The following ATP8B1 variants were observed in gnomAD, a reference collection of about 807,000 sequenced individuals.
ATP8B1 encodes the protein ATPase phospholipid transporting 8B1.
A neutral mutation model predicts 149.9 loss-of-function variants in ATP8B1; 80 were observed. The observed-to-expected ratio is 0.53, with a 90% CI of 0.45 to 0.64. The LOEUF (loss-of-function observed/expected upper bound fraction) is 0.64. ATP8B1 is among the 30% of genes least tolerant of loss of function. The probability of loss-of-function intolerance (pLI) is 0.00; values close to 1 mark genes in which losing one functional copy is unlikely to be tolerated. For missense variants in ATP8B1, 1,247 were observed against 1,552.6 expected (o/e 0.80, Z 3.31); for synonymous variants, 536 against 562.8 (o/e 0.95, Z 0.67).
rs1355450382 is a variant in ATP8B1 at position 57,723,122 on chromosome 18, A to G, written c.181+8505T>C. Among the ~76,000 whole-genome samples the G allele has an allele frequency of 3.3e-5, 5 of 151,298 alleles. No individual in the cohort carries two copies. The South Asian group carries it at 8.4e-4, about 25-fold the overall frequency. ...TTCAAAATAATAAGAGCTATCTATG[A>G]CAAACCCACAGCCAATATCATACTG... On this transcript the variant is annotated intron_variant, in intron 2 of 27. Transcript: ENST00000648908.
At chr18:57,787,927 G>A (rs937700107) in intron 1 of ATP8B1, among the ~76,000 whole-genome samples, 2 of 152,146 alleles carry the variant, frequency 1.3e-5, no homozygotes, top group African/African-American at 4.8e-5. Flanking sequence ...CAGCCACTTG[G>A]GAGGCTGAGG....
chr18:57,716,417 TA>T (rs879472357), intron 2 of ATP8B1, among the ~76,000 whole-genome samples: 174 of 141,064 alleles, frequency 1.2e-3, no homozygotes, highest in Middle Eastern at 3.6e-3. Flanking sequence ...TGAATAGATT[TA>T]AAAAAAAAAA....
At chr18:57,687,540 G>A (rs1389417578) in intron 13 of ATP8B1, among the ~76,000 whole-genome samples, 7 of 150,420 alleles carry the variant, frequency 4.7e-5, no homozygotes, top group Non-Finnish European at 8.8e-5. Context: ...GTTGTAGCAT[G>A]TGTCAAATTT....
chr18:57,801,694 G>A (rs992666733), intron 1 of ATP8B1, among the ~76,000 whole-genome samples: 1 of 152,110 alleles, frequency 6.6e-6, no homozygotes, highest in African/African-American at 2.4e-5. Context: ...ACCGTGTGCC[G>A]GGTGATCTCC....
In ATP8B1 at chr18:57,652,067, G is replaced by A; in HGVS notation, c.3367C>T (p.His1123Tyr). 6.2e-7 allele frequency: 1 copy of A among 1,613,948 alleles called. No homozygotes were observed. Among genetic ancestry groups the A allele is most frequent in the Non-Finnish European group, 8.5e-7 (1 of 1,179,918 alleles). ...TGAAATGCAGATGGAAAGAGAACAT[G>A]TATTCCAGCACTATGAAAGTCAAAC... ...IMFDFHSAGI[H>Y]VLFPSAFQFT... is the part of the protein sequence containing the mutation. Residue 1123 changes from histidine (H) to tyrosine (Y), a missense_variant, in exon 26 of 28, where the codon CAT becomes TAT. Coordinates refer to ENST00000648908, the MANE Select transcript of ATP8B1 (RefSeq NM_001374385.1).
chr18:57,716,362 C>T (rs2079582937), intron 2 of ATP8B1, among the ~76,000 whole-genome samples: 1 of 151,230 alleles, frequency 6.6e-6, no homozygotes, highest in Non-Finnish European at 1.5e-5. Context: ...AATATAACAT[C>T]GAATGTAAAT....
intron 15 of ATP8B1, among the ~76,000 whole-genome samples, chr18:57,676,066 A>C (rs1243805364): frequency 6.6e-6 from 1 of 152,242 alleles, no homozygotes; most frequent in African/African-American, 2.4e-5. Flanking sequence ...GAGAACACTG[A>C]TAATTTTAAA....
At chr18:57,794,464 A>T (rs1431136431) in intron 1 of ATP8B1, among the ~76,000 whole-genome samples, 1 of 41,816 alleles carries the variant, frequency 2.4e-5, no homozygotes, top group Admixed American at 2.2e-4. Flanking sequence ...ACCTGACATT[A>T]AAAAAAAAAA....
intron 22 of ATP8B1, among the ~76,000 whole-genome samples, chr18:57,656,224 T>C (rs890963388): frequency 1.3e-5 from 2 of 152,114 alleles, no homozygotes; most frequent in African/African-American, 4.8e-5. Flanking sequence ...CTTGCTTAAA[T>C]ACCAACTGGG....
At chr18:57,779,116 A>C (rs1281522279) in intron 1 of ATP8B1, among the ~76,000 whole-genome samples, 1 of 152,040 alleles carries the variant, frequency 6.6e-6, no homozygotes, top group African/African-American at 2.4e-5. Context: ...TGAGCCCAGG[A>C]GTTCGAGACC....
chr18:57,778,765 A>G (rs2080333301), intron 1 of ATP8B1, among the ~76,000 whole-genome samples: 1 of 152,102 alleles, frequency 6.6e-6, no homozygotes, highest in Non-Finnish European at 1.5e-5. Context: ...GGCTTCTCTT[A>G]CAGTAAGTGA....
chr18:57,774,702 C>G (rs1411313652), intron 1 of ATP8B1, among the ~76,000 whole-genome samples: 2 of 152,172 alleles, frequency 1.3e-5, no homozygotes, highest in African/African-American at 4.8e-5. Flanking sequence ...CCCCAGCACC[C>G]AGAATACAGT....
chr18:57,689,459 C>G (rs1428834694), intron 12 of ATP8B1, among the ~76,000 whole-genome samples: 1 of 152,168 alleles, frequency 6.6e-6, no homozygotes, highest in Non-Finnish European at 1.5e-5. Flanking sequence ...TATAAGGAAG[C>G]TGTTTACATA....
chr18:57,747,132 G>A (rs576505102), intron 1 of ATP8B1, among the ~76,000 whole-genome samples: 73 of 152,100 alleles, frequency 4.8e-4, no homozygotes, highest in Non-Finnish European at 9.4e-4. Context: ...CCTTGGAGAG[G>A]GGCCAGAGAC....
intron 22 of ATP8B1, among the ~76,000 whole-genome samples, chr18:57,656,915 C>A (rs1910042844): frequency 6.6e-6 from 1 of 151,912 alleles, no homozygotes; most frequent in Non-Finnish European, 1.5e-5. Flanking sequence ...AAATCTATGT[C>A]CTTGTTCCAG....
At chr18:57,714,880 CCA>C (rs1157255664) in intron 2 of ATP8B1, among the ~76,000 whole-genome samples, 1 of 152,120 alleles carries the variant, frequency 6.6e-6, no homozygotes, top group Non-Finnish European at 1.5e-5. Flanking sequence ...TCTTCAATGC[CCA>C]GACATTGATG....
intron 2 of ATP8B1, among the ~76,000 whole-genome samples, chr18:57,713,144 G>C (rs1913765067): frequency 6.9e-6 from 1 of 145,198 alleles, no homozygotes; most frequent in African/African-American, 2.6e-5. Context: ...GCTTTGTCTT[G>C]CTCTTGATCT....
Position 57,695,225 on chromosome 18 carries a change from G to A in ATP8B1, c.886C>T (p.Arg296Cys). 3 of 1,614,070 alleles carry A rather than the reference G, an allele frequency of 1.9e-6. No homozygotes were observed. The highest frequency in any genetic ancestry group is 1.3e-5 in the African/African-American group (1 of 75,024). Reference sequence around the variant, plus strand: ...TCGGTGTTCCTAATTACACAGCCACGTAACAAAATTTTATCAGCATCCAAA... The same window carrying A: ...TCGGTGTTCCTAATTACACAGCCACATAACAAAATTTTATCAGCATCCAAA... ...FPLDADKILLRGCVIRNTDFC... is the reference protein window; with the variant it reads ...FPLDADKILLCGCVIRNTDFC... Residue 296 changes from arginine to cysteine, a missense_variant, in exon 10 of 28, where the codon CGT becomes TGT. Coordinates refer to ENST00000648908, the MANE Select transcript of ATP8B1 (RefSeq NM_001374385.1).
At chr18:57,649,767 G>A (rs533951518) in intron 27 of ATP8B1, among the ~76,000 whole-genome samples, 2 of 152,240 alleles carry the variant, frequency 1.3e-5, no homozygotes, top group Admixed American at 1.3e-4. Context: ...CTACAGAATA[G>A]GCTCTTATCT....
Sources: gnomAD v4.1 joint callset for allele counts (sites outside exome capture counted in the v4.1 genomes callset) on GRCh38, gnomAD v4.1.1 for gene constraint, MANE v1.5 for transcripts, NCBI Gene and HGNC (gene_info 2026-07-23, HGNC 2026-07-21) for gene names.